The following LRRC8A variants were observed in gnomAD, a reference collection of about 807,000 sequenced individuals.
LRRC8A encodes leucine rich repeat containing 8 VRAC subunit A.
A neutral mutation model predicts 52.5 loss-of-function variants in LRRC8A; 24 were observed. The observed-to-expected ratio is 0.46, with a 90% confidence interval of 0.33 to 0.64. The LOEUF is 0.64. LRRC8A is among the 30% of genes least tolerant of loss of function. The probability of loss-of-function intolerance (pLI) is 0.02; values close to 1 mark genes in which losing one functional copy is unlikely to be tolerated. For missense variants in LRRC8A, 677 were observed against 1,094.7 expected (o/e 0.62, Z 5.38); for synonymous variants, 492 against 494.2 (o/e 1.00, Z 0.06).
Position 128,916,672 on chromosome 9 carries a change from C to T in LRRC8A, c.*301C>T. 2.9e-6 allele frequency: 1 copy of T among 340,152 alleles called. No homozygotes were observed. Among genetic ancestry groups the T allele is most frequent in the Non-Finnish European group, 5.4e-6 (1 of 183,728 alleles). 21.1% of individuals were successfully genotyped at this position (340,152 alleles called of 1,614,324 possible). A position where few individuals can be genotyped will look rare whatever the true frequency, so the allele number is the denominator to read the frequency against. ...CTGGAGGCCAGCTCTGCCCCAGGGGCTGAGCTGCCACCAGAGGTCCTGGGA... is the reference window on the plus strand; with the variant it reads ...CTGGAGGCCAGCTCTGCCCCAGGGGTTGAGCTGCCACCAGAGGTCCTGGGA... On this transcript the variant is annotated 3_prime_UTR_variant, in exon 4 of 4. Coordinates refer to ENST00000372600, the MANE Select transcript of LRRC8A (RefSeq NM_019594.4). The surrounding 1 kb of genome is among the most constrained non-coding windows in gnomAD (Gnocchi z 6.1).
intron 1 of LRRC8A, among the ~76,000 whole-genome samples, chr9:128,883,197 T>A (rs1839193397): frequency 6.6e-6 from 1 of 152,132 alleles, no homozygotes; most frequent in Admixed American, 6.5e-5. Flanking sequence ...CTGCCCTACC[T>A]CAGGAAGCCT....
At chr9:128,904,766 G>A (rs956170878) in intron 2 of LRRC8A, among the ~76,000 whole-genome samples, 4 of 151,964 alleles carry the variant, frequency 2.6e-5, no homozygotes, top group East Asian at 1.9e-4. Context: ...AGGCCAAGGC[G>A]GGCGGATCAC....
intron 2 of LRRC8A, among the ~76,000 whole-genome samples, chr9:128,895,556 G>A (rs762483874): frequency 2.6e-5 from 4 of 152,240 alleles, no homozygotes; most frequent in Non-Finnish European, 4.4e-5. Flanking sequence ...CAGGCACAGA[G>A]ATGCCCTGGC....
Position 128,899,369 on chromosome 9 carries a change from G to A in LRRC8A, c.-8-7788G>A, listed in dbSNP as rs1007493913. On this transcript the variant is annotated intron_variant, in intron 2 of 3. Transcript: ENST00000372600. This position sits in a 1 kb window ranked among gnomAD's most constrained non-coding sequence, Gnocchi z 4.0. ...CCGGGGCATTTCTGACCACACCCAG[G>A]TGCACCCCAAGAAGGGCTCTCGGTG... is the stretch of plus-strand genomic sequence containing the variant. Among the ~76,000 whole-genome samples, 14 of 152,012 alleles carry A rather than the reference G, an allele frequency of 9.2e-5. No homozygotes were observed. The highest frequency in any genetic ancestry group is 3.1e-4 in the African/African-American group (13 of 41,442).
chr9:128,908,272 A>G lies in LRRC8A; in HGVS notation c.1108A>G (p.Asn370Asp). 6.2e-7 allele frequency: 1 copy of G among 1,614,134 alleles called. No individual in the cohort carries two copies. Among genetic ancestry groups the G allele is most frequent in the Non-Finnish European group, 8.5e-7 (1 of 1,180,028 alleles). Residue 370 changes from asparagine (N) to aspartate (D), a missense_variant, in exon 3 of 4, where the codon AAC becomes GAC. Transcript: ENST00000372600. ...SSYSDIPDVK[N>D]DFAFMLHLID... ...CTACAGCGACATCCCCGACGTCAAG[A>G]ACGACTTCGCCTTCATGCTGCACCT...
chr9:128,901,137 C>T lies in LRRC8A; in HGVS notation c.-8-6020C>T, dbSNP rs572037795. On this transcript the variant is annotated intron_variant, in intron 2 of 3. Coordinates refer to ENST00000372600, the MANE Select transcript of LRRC8A (RefSeq NM_019594.4). The stretch of plus-strand genomic sequence containing the variant: ...GCATTGAGCCGAGATCGTGCCACTG[C>T]ACTCCGGCCTGGGCGATAGAGCAAG... Among the ~76,000 whole-genome samples the T allele has an allele frequency of 3.9e-5, 6 of 152,296 alleles. No homozygotes were observed. The East Asian group carries it at 1.2e-3, about 29-fold the overall frequency.
intron 2 of LRRC8A, among the ~76,000 whole-genome samples, chr9:128,898,628 A>G (rs1332639097): frequency 2.0e-5 from 3 of 152,182 alleles, no homozygotes; most frequent in Admixed American, 6.5e-5. Context: ...GATGTGTTGA[A>G]TGTTTCAGGC....
intron 1 of LRRC8A, chr9:128,882,610 G>C: frequency 2.5e-6 from 1 of 398,612 alleles, no homozygotes; most frequent in Non-Finnish European, 4.4e-6. Flanking sequence ...GTTCCTAGAG[G>C]TTCCACCTCT....
In LRRC8A at chr9:128,892,294, C is replaced by T. The variant is rs754820050; in HGVS notation, c.-9+6173C>T. On this transcript the variant is annotated intron_variant, in intron 2 of 3. Transcript: ENST00000372600. The surrounding 1 kb of genome is among the most constrained non-coding windows in gnomAD (Gnocchi z 5.2). ...GAGGGCAGGTCCTGAGGCTGCACCT[C>T]CAGCCCCACCTGCTGCCTCTCTCTG... Among the ~76,000 whole-genome samples the T allele has an allele frequency of 2.6e-5, 4 of 152,204 alleles. No homozygotes were observed. Among genetic ancestry groups the T allele is most frequent in the Non-Finnish European group, 5.9e-5 (4 of 68,024 alleles).
At position 128,913,558 on chromosome 9, in the gene LRRC8A, TCTGGGGC is replaced by T. The variant is rs1233207131; in HGVS notation, c.2158-2533_2158-2527del. Among the ~76,000 whole-genome samples the T allele has an allele frequency of 3.9e-5, 6 of 152,030 alleles. No individual in the cohort carries two copies. The East Asian group carries it at 1.2e-3, about 29-fold the overall frequency. On this transcript the variant is annotated intron_variant, in intron 3 of 3. Transcript: ENST00000372600. ...AACTGAGAGTACCTCCCCTTTTCTC[TCTGGGGC>T]CTGGAGAGGGCTCCCTGGCTCAGAG...
At chr9:128,903,187 G>A (rs1047175106) in intron 2 of LRRC8A, among the ~76,000 whole-genome samples, 20 of 152,110 alleles carry the variant, frequency 1.3e-4, no homozygotes, top group Non-Finnish European at 4.4e-5. Context: ...TGGCCTCTTG[G>A]GCATCAAGGA....
intron 1 of LRRC8A, among the ~76,000 whole-genome samples, chr9:128,884,280 G>A (rs139331967): frequency 2.6e-4 from 40 of 152,288 alleles, no homozygotes; most frequent in Middle Eastern, 3.4e-3. Flanking sequence ...GCTGATTCCA[G>A]GTTTTCACAT....
intron 1 of LRRC8A, among the ~76,000 whole-genome samples, chr9:128,883,315 C>T (rs1330266960): frequency 6.6e-6 from 1 of 152,244 alleles, no homozygotes; most frequent in Non-Finnish European, 1.5e-5. Flanking sequence ...GTACTCTTAA[C>T]CCCTGCCAAA....
At chr9:128,901,908 T>C (rs747206889) in intron 2 of LRRC8A, among the ~76,000 whole-genome samples, 1 of 152,244 alleles carries the variant, frequency 6.6e-6, no homozygotes, top group Non-Finnish European at 1.5e-5. Context: ...CTGCACCCTC[T>C]TTCCTGATCT....
In LRRC8A at chr9:128,916,323, A is replaced by G. The variant is rs750320909; in HGVS notation, c.2385A>G (p.Pro795=). 8.1e-6 allele frequency: 13 copies of G among 1,612,366 alleles called. No individual in the cohort carries two copies. Among genetic ancestry groups the G allele is most frequent in the Non-Finnish European group, 5.1e-6 (6 of 1,179,936 alleles). Residue 795 remains proline, a synonymous_variant, in exon 4 of 4, where the codon CCA becomes CCG. Coordinates refer to ENST00000372600, the MANE Select transcript of LRRC8A (RefSeq NM_019594.4). The surrounding 1 kb of genome is among the most constrained non-coding windows in gnomAD (Gnocchi z 6.1). ...AGGAGGACCTGTTCAACACACTGCC[A>G]CCCGAGGTGAAGGAGCGGCTGTGGA... ...VVEEDLFNTL[P]PEVKERLWRA...
intron 2 of LRRC8A, among the ~76,000 whole-genome samples, chr9:128,890,166 G>GTGTGTGTGTGTGTGTT (rs1028167194): frequency 6.6e-6 from 1 of 151,440 alleles, no homozygotes; most frequent in African/African-American, 2.4e-5. Context: ...GTGTGTGTGT[G>GTGTGTGTGTGTGTGTT]TGTGCTGGGA....
In LRRC8A at chr9:128,907,362, T is replaced by C; in HGVS notation, c.198T>C (p.Asn66=). 1.2e-6 allele frequency: 2 copies of C among 1,613,732 alleles called. No individual in the cohort carries two copies. The highest frequency in any genetic ancestry group is 1.7e-6 in the Non-Finnish European group (2 of 1,179,986). Residue 66 remains asparagine, a synonymous_variant, in exon 3 of 4, where the codon AAT becomes AAC. Transcript: ENST00000372600. This position sits in a 1 kb window ranked among gnomAD's most constrained non-coding sequence, Gnocchi z 9.3. ...PCKWVTKDSC[N]DSFRGWAAPG... ...AGTGGGTCACCAAGGACTCCTGCAA[T>C]GATTCGTTCCGGGGCTGGGCAGCCC... is the stretch of plus-strand genomic sequence containing the variant.
intron 2 of LRRC8A, among the ~76,000 whole-genome samples, chr9:128,898,980 G>A (rs1839926542): frequency 1.3e-5 from 2 of 152,240 alleles, no homozygotes; most frequent in Admixed American, 1.3e-4. Flanking sequence ...TCTGCCAGCT[G>A]GAGGCCAGAA....
chr9:128,901,706 C>A (rs73669994), intron 2 of LRRC8A, among the ~76,000 whole-genome samples: 7,278 of 152,274 alleles, frequency 0.048, 197 homozygotes, highest in African/African-American at 0.076. Context: ...GTCCAAGGTC[C>A]CACAGAGAGG....
Sources: allele counts gnomAD v4.1 joint callset (sites outside exome capture counted in the v4.1 genomes callset), GRCh38; gene constraint gnomAD v4.1.1; non-coding constraint Gnocchi (gnomAD v3.1); transcripts MANE v1.5; gene names NCBI Gene and HGNC (gene_info 2026-07-23, HGNC 2026-07-21).